The following BDNF variants were observed in gnomAD, a reference collection of about 807,000 sequenced individuals.
BDNF encodes neurotrophic factor BDNF precursor form.
In BDNF, 1 loss-of-function variant was observed where a neutral mutation model predicts 19.5. The observed-to-expected ratio is 0.05, with a 90% CI of 0.02 to 0.24. The LOEUF is 0.24. BDNF is among the 10% of genes least tolerant of loss of function. BDNF has a pLI of 1.00. For missense variants in BDNF, 195 were observed against 317.6 expected, an observed-to-expected ratio of 0.61 and a Z score of 2.93; for synonymous variants, 100 against 121.6, an observed-to-expected ratio of 0.82 and a Z score of 1.17.
chr11:27,656,957 A>AG lies in BDNF; in HGVS notation c.*863dup, dbSNP rs557827513. On this transcript the variant is annotated 3_prime_UTR_variant, in exon 2 of 2. Coordinates refer to ENST00000356660, the MANE Select transcript of BDNF (RefSeq NM_001709.5). ...AAAACAAAGAGGAGACCAGAGGGGG[A>AG]GGGGGGGAAAGAATGTGTTCTGAGC... 857 of 985,016 alleles carry AG rather than the reference A, an allele frequency of 8.7e-4. No individual in the cohort carries two copies. Among genetic ancestry groups the AG allele is most frequent in the South Asian group, 1.4e-3 (29 of 21,240 alleles). The allele number at this position is 985,016 out of a possible 1,614,324, so 61.0% of individuals were successfully genotyped here. A position where few individuals can be genotyped will look rare whatever the true frequency, so the allele number is the denominator to read the frequency against.
At position 27,657,635 on chromosome 11, in the gene BDNF, G is replaced by A; in HGVS notation, c.*186C>T. The A allele has an allele frequency of 1.4e-6, 2 of 1,412,876 alleles. No homozygotes were observed. The highest frequency in any genetic ancestry group is 9.2e-7 in the Non-Finnish European group (1 of 1,089,298). The allele number at this position is 1,412,876 out of a possible 1,614,324, so 87.5% of individuals were successfully genotyped here. A position where few individuals can be genotyped will look rare whatever the true frequency, so the allele number is the denominator to read the frequency against. On this transcript the variant is annotated 3_prime_UTR_variant, in exon 2 of 2. Transcript: ENST00000356660. The surrounding 1 kb of genome is among the most constrained non-coding windows in gnomAD (Gnocchi z 5.0). ...CTTTTTAAGTTGTGCGCAAATGACT[G>A]TTTCCCTTCTGGTCATGGACATGTC...
At chr11:27,700,872 G>T, upstream of BDNF, 1 of 1,282,004 alleles carries the variant, frequency 7.8e-7, no homozygotes, top group South Asian at 1.3e-5. Context: ...CGCACGCCCC[G>T]AGGTCTCGCT....
At position 27,658,656 on chromosome 11, in the gene BDNF, C is replaced by T. The variant is rs1852895609; in HGVS notation, c.-21-71G>A. On this transcript the variant is annotated intron_variant, in intron 1 of 1. Coordinates refer to ENST00000356660, the MANE Select transcript of BDNF (RefSeq NM_001709.5). The surrounding 1 kb of genome is among the most constrained non-coding windows in gnomAD (Gnocchi z 5.7). ...TCTTTCACCGGGATGCCATGTGGCC[C>T]ATCTGATTGTAATTCCAGGCCATTC... is the stretch of plus-strand genomic sequence containing the variant. 6.2e-7 allele frequency: 1 copy of T among 1,612,972 alleles called. No individual in the cohort carries two copies. Among genetic ancestry groups the T allele is most frequent in the Non-Finnish European group, 8.5e-7 (1 of 1,179,744 alleles).
In BDNF at chr11:27,700,254, C is replaced by G; in HGVS notation, c.-112G>C. 4.1e-6 allele frequency: 4 copies of G among 985,552 alleles called. No individual in the cohort carries two copies. The highest frequency in any genetic ancestry group is 4.8e-6 in the Non-Finnish European group (4 of 830,110). The allele number at this position is 985,552 out of a possible 1,614,324, so 61.1% of individuals were successfully genotyped here. On this transcript the variant is annotated 5_prime_UTR_variant, in exon 1 of 2. Transcript: ENST00000356660. ...TCCAGCGCCCAGCCCCGGTCCCCGT[C>G]GCGGTGCTGCTCCCCGCCGGCCCCA... is the stretch of plus-strand genomic sequence containing the variant.
chr11:27,668,403 C>T, intron 1 of BDNF, among the ~76,000 whole-genome samples: 1 of 152,056 alleles, frequency 6.6e-6, no homozygotes, highest in East Asian at 1.9e-4. Context: ...CAAGAAATAA[C>T]TAAGATCAGA....
chr11:27,657,606 C>T lies in BDNF; in HGVS notation c.*215G>A. On this transcript the variant is annotated 3_prime_UTR_variant, in exon 2 of 2. Transcript: ENST00000356660. The surrounding 1 kb of genome is among the most constrained non-coding windows in gnomAD (Gnocchi z 5.0). ...CACAACATTATCAAGGAATGTAATGCAGACTTTTTAAGTTGTGCGCAAATG... is the reference window on the plus strand; with the variant it reads ...CACAACATTATCAAGGAATGTAATGTAGACTTTTTAAGTTGTGCGCAAATG... 1 of 1,363,704 alleles carries T rather than the reference C, an allele frequency of 7.3e-7. No homozygotes were observed. The highest frequency in any genetic ancestry group is 1.9e-5 in the South Asian group (1 of 53,838). The allele number at this position is 1,363,704 out of a possible 1,614,324, so 84.5% of individuals were successfully genotyped here.
chr11:27,683,540 TTTTATG>T (rs1191932515), intron 1 of BDNF, among the ~76,000 whole-genome samples: 2 of 152,212 alleles, frequency 1.3e-5, no homozygotes, highest in African/African-American at 2.4e-5. Flanking sequence ...TGGTTTTATG[TTTTATG>T]TTTAAGTCTT....
At chr11:27,695,589 A>G (rs1470773339) in intron 1 of BDNF, among the ~76,000 whole-genome samples, 4 of 152,192 alleles carry the variant, frequency 2.6e-5, no homozygotes, top group African/African-American at 7.2e-5. Context: ...ATGACAACCA[A>G]TGAAAAGTTC....
At chr11:27,720,723 C>T (rs1860715415) in intron 1 of BDNF, 1 of 985,988 alleles carries the variant, frequency 1.0e-6, no homozygotes, top group Non-Finnish European at 1.2e-6. Context: ...GGATTACACA[C>T]CCGGCACAGC....
intron 1 of BDNF, among the ~76,000 whole-genome samples, chr11:27,718,354 A>ACCT (rs1554950387): frequency 9.9e-6 from 1 of 101,112 alleles, no homozygotes; most frequent in Non-Finnish European, 2.0e-5. Context: ...TCCGCACACC[A>ACCT]CCCCCCCCCG....
Position 27,684,228 on chromosome 11 carries a change from C to T in BDNF, c.-22+15936G>A, listed in dbSNP as rs527240923. Among the ~76,000 whole-genome samples the T allele has an allele frequency of 1.2e-4, 18 of 152,086 alleles. No homozygotes were observed. In the South Asian group the frequency reaches 2.1e-3, roughly 18 times the overall value. ...GTCATTATTGGTGTATAGGAATGCT[C>T]GTGATTTTTGCACATTGATTTTGTA... On this transcript the variant is annotated intron_variant, in intron 1 of 1. Transcript: ENST00000356660.
At position 27,657,248 on chromosome 11, in the gene BDNF, G is replaced by A. The variant is rs769258981; in HGVS notation, c.*573C>T. 1.4e-4 allele frequency: 136 copies of A among 968,850 alleles called. No homozygotes were observed. The highest frequency in any genetic ancestry group is 1.5e-4 in the Non-Finnish European group (119 of 817,660). 60.0% of individuals were successfully genotyped at this position (968,850 alleles called of 1,614,324 possible). ...GAACTAAAAAACAAAACAAACAAAC[G>A]AAAAAAAAACACAAAACAAACAAAA... On this transcript the variant is annotated 3_prime_UTR_variant, in exon 2 of 2. Coordinates refer to ENST00000356660, the MANE Select transcript of BDNF (RefSeq NM_001709.5). This position sits in a 1 kb window ranked among gnomAD's most constrained non-coding sequence, Gnocchi z 5.0.
chr11:27,694,789 A>G (rs1858780993), intron 1 of BDNF, among the ~76,000 whole-genome samples: 1 of 152,158 alleles, frequency 6.6e-6, no homozygotes, highest in Admixed American at 6.5e-5. Context: ...AATCGAAAAC[A>G]TTCTTAAAGG....
chr11:27,657,291 CATCCCCT>C lies in BDNF; in HGVS notation c.*523_*529del, dbSNP rs1296967730. The stretch of plus-strand genomic sequence containing the variant: ...AAACAAAAATATACCCCCCATCCCC[CATCCCCT>C]AAGCCAGTAAAGCAATGACAACAGC... On this transcript the variant is annotated 3_prime_UTR_variant, in exon 2 of 2. Coordinates refer to ENST00000356660, the MANE Select transcript of BDNF (RefSeq NM_001709.5). This position sits in a 1 kb window ranked among gnomAD's most constrained non-coding sequence, Gnocchi z 5.0. 4.1e-6 allele frequency: 4 copies of C among 987,606 alleles called. No homozygotes were observed. Among genetic ancestry groups the C allele is most frequent in the Non-Finnish European group, 4.8e-6 (4 of 831,290 alleles). 61.2% of individuals were successfully genotyped at this position (987,606 alleles called of 1,614,324 possible). A position where few individuals can be genotyped will look rare whatever the true frequency, so the allele number is the denominator to read the frequency against.
intron 1 of BDNF, among the ~76,000 whole-genome samples, chr11:27,686,065 G>A (rs1227687314): frequency 6.6e-6 from 1 of 152,168 alleles, no homozygotes; most frequent in Non-Finnish European, 1.5e-5. Flanking sequence ...CTTGCTTTAT[G>A]AATCTGGGTG....
At chr11:27,664,379 G>C (rs113291085) in intron 1 of BDNF, among the ~76,000 whole-genome samples, 3 of 151,988 alleles carry the variant, frequency 2.0e-5, no homozygotes, top group African/African-American at 7.2e-5. Flanking sequence ...TAGGACATAC[G>C]TAACTAGAAT....
At chr11:27,697,156 C>CAGAG (rs1214718714) in intron 1 of BDNF, among the ~76,000 whole-genome samples, 44 of 69,330 alleles carry the variant, frequency 6.3e-4, no homozygotes, top group East Asian at 1.2e-3. Flanking sequence ...CACACACACA[C>CAGAG]ACACACACAG....
intron 1 of BDNF, among the ~76,000 whole-genome samples, chr11:27,666,856 T>C (rs1231116498): frequency 1.3e-5 from 2 of 152,094 alleles, no homozygotes; most frequent in African/African-American, 4.8e-5. Flanking sequence ...CAGGATATTA[T>C]CCAGGAGAAC....
At chr11:27,672,604 G>C (rs1003395513) in intron 1 of BDNF, among the ~76,000 whole-genome samples, 2 of 152,102 alleles carry the variant, frequency 1.3e-5, no homozygotes, top group Non-Finnish European at 2.9e-5. Flanking sequence ...AGCAGCAGCA[G>C]CAACAACAAC....
Sources: allele counts gnomAD v4.1 joint callset (sites outside exome capture counted in the v4.1 genomes callset), GRCh38; gene constraint gnomAD v4.1.1; non-coding constraint Gnocchi (gnomAD v3.1); transcripts MANE v1.5; gene names NCBI Gene and HGNC (gene_info 2026-07-23, HGNC 2026-07-21).